Variants in RNF150 observed in about 807,000 individuals in gnomAD.
RNF150 encodes ring finger protein 150.
A neutral mutation model predicts 39.3 loss-of-function variants in RNF150; 24 were observed. The ratio of observed to expected loss-of-function variants is 0.61; its 90% CI spans 0.44 to 0.86. The LOEUF is 0.86. Ranked by LOEUF, RNF150 falls within the 40% of genes least tolerant of loss-of-function variation. The probability of loss-of-function intolerance (pLI) is 0.00; values close to 1 mark genes in which losing one functional copy is unlikely to be tolerated. For synonymous variants in RNF150, 255 were observed against 227.3 expected (o/e 1.12, Z -1.10); for missense variants, 502 against 587.8 (o/e 0.85, Z 1.51).
At chr4:141,025,478 C>T (rs560007699) in intron 1 of RNF150, among the ~76,000 whole-genome samples, 2 of 151,476 alleles carry the variant, frequency 1.3e-5, no homozygotes, top group South Asian at 4.2e-4. Context: ...TATTATAAGA[C>T]CCTTGCTTAA....
intron 1 of RNF150, among the ~76,000 whole-genome samples, chr4:141,179,042 G>T (rs963713298): frequency 2.0e-5 from 3 of 152,042 alleles, no homozygotes; most frequent in African/African-American, 7.2e-5. Context: ...TTCCTTCAGA[G>T]AAATATATGT....
chr4:141,044,723 A>G (rs1736497243), intron 1 of RNF150, among the ~76,000 whole-genome samples: 1 of 151,918 alleles, frequency 6.6e-6, no homozygotes, highest in Admixed American at 6.6e-5. Flanking sequence ...ACTAATGCCA[A>G]TCCCTACACA....
rs1184901961 is a variant in RNF150, at chr4:140,926,065, A to G, written c.899T>C (p.Phe300Ser). Reference sequence around the variant, plus strand: ...CCAGGGGTCAACACAGGACTTGTGGAAAAGATGCCTGCAATGAGAACCATA... The same window carrying G: ...CCAGGGGTCAACACAGGACTTGTGGGAAAGATGCCTGCAATGAGAACCATA... ...VVRILPCRHLFHKSCVDPWLL... is the reference protein window; with the variant it reads ...VVRILPCRHLSHKSCVDPWLL... The change falls in exon 5 of 7, where the codon TTC becomes TCC. Residue 300 changes from phenylalanine to serine, a missense_variant. Coordinates refer to ENST00000515673, the MANE Select transcript of RNF150 (RefSeq NM_020724.2). 2 of 1,611,394 alleles carry G rather than the reference A, an allele frequency of 1.2e-6. No individual in the cohort carries two copies.
chr4:141,029,429 A>G (rs993277760), intron 1 of RNF150, among the ~76,000 whole-genome samples: 1 of 152,232 alleles, frequency 6.6e-6, no homozygotes, highest in Non-Finnish European at 1.5e-5. Context: ...TTCCCTCTTC[A>G]ACTCTTGTTC....
chr4:141,209,082 A>G (rs560740601), intron 1 of RNF150, among the ~76,000 whole-genome samples: 1 of 152,230 alleles, frequency 6.6e-6, no homozygotes, highest in African/African-American at 2.4e-5. Context: ...AAGGTTGCTC[A>G]CTGCAAATAT....
intron 1 of RNF150, among the ~76,000 whole-genome samples, chr4:141,207,610 A>G (rs10012354): frequency 0.22 from 33,648 of 150,548 alleles, 3,962 homozygotes; most frequent in South Asian, 0.32. Context: ...CTTCTCCACG[A>G]CATCCAATCA....
chr4:141,133,762 A>G (rs1236561285), upstream of RNF150, among the ~76,000 whole-genome samples: 1 of 152,114 alleles, frequency 6.6e-6, no homozygotes, highest in Non-Finnish European at 1.5e-5. Flanking sequence ...TACTGCCGTG[A>G]GCTCCCTGAT....
chr4:140,868,592 C>T (rs1450786726), intron 6 of RNF150, among the ~76,000 whole-genome samples: 1 of 152,122 alleles, frequency 6.6e-6, no homozygotes, highest in Middle Eastern at 3.2e-3. Flanking sequence ...TAAAATATAT[C>T]ATCTAAGGAT....
At chr4:140,885,562 G>A (rs1343286160) in intron 6 of RNF150, among the ~76,000 whole-genome samples, 5 of 150,260 alleles carry the variant, frequency 3.3e-5, no homozygotes, top group Admixed American at 2.0e-4. Context: ...TCAGTCTCTC[G>A]AGTAGCTGGG....
chr4:141,005,187 A>G (rs1378923067), intron 1 of RNF150, among the ~76,000 whole-genome samples: 1 of 152,208 alleles, frequency 6.6e-6, no homozygotes, highest in Admixed American at 6.5e-5. Context: ...GAAGATATCC[A>G]TATTTGGAGT....
chr4:141,083,423 C>A (rs1215688927), intron 1 of RNF150, among the ~76,000 whole-genome samples: 7 of 152,162 alleles, frequency 4.6e-5, no homozygotes, highest in Non-Finnish European at 1.0e-4. Context: ...TCCTCCTCTT[C>A]CTTTTCTACT....
intron 1 of RNF150, among the ~76,000 whole-genome samples, chr4:141,106,009 A>C (rs1739183439): frequency 6.6e-6 from 1 of 152,160 alleles, no homozygotes; most frequent in African/African-American, 2.4e-5. Context: ...ACTTCACCAC[A>C]CAACCCATCT....
chr4:141,191,391 C>T (rs1378306849), intron 1 of RNF150, among the ~76,000 whole-genome samples: 1 of 152,226 alleles, frequency 6.6e-6, no homozygotes, highest in Non-Finnish European at 1.5e-5. Flanking sequence ...TATCCAATGT[C>T]AGAACCTCTG....
intron 1 of RNF150, among the ~76,000 whole-genome samples, chr4:141,085,793 T>C (rs1488577437): frequency 6.6e-6 from 1 of 152,142 alleles, no homozygotes; most frequent in Non-Finnish European, 1.5e-5. Flanking sequence ...AAAGGTGTAA[T>C]GAGAAATCAT....
chr4:141,066,915 A>G (rs1737483862), intron 1 of RNF150, among the ~76,000 whole-genome samples: 1 of 152,182 alleles, frequency 6.6e-6, no homozygotes. Context: ...TAGATGGTAC[A>G]GCCTACTACA....
At chr4:140,951,415 A>G (rs991003957) in intron 2 of RNF150, among the ~76,000 whole-genome samples, 1 of 152,142 alleles carries the variant, frequency 6.6e-6, no homozygotes, top group African/African-American at 2.4e-5. Flanking sequence ...ATGGTAATGA[A>G]AACACATGTG....
At chr4:140,916,444 A>G (rs1326724689) in intron 5 of RNF150, among the ~76,000 whole-genome samples, 3 of 152,234 alleles carry the variant, frequency 2.0e-5, no homozygotes, top group Non-Finnish European at 4.4e-5. Flanking sequence ...AAAGGGTATC[A>G]GCGATGGAAG....
At chr4:140,982,171 TTTA>T (rs1733880887) in intron 1 of RNF150, among the ~76,000 whole-genome samples, 1 of 152,180 alleles carries the variant, frequency 6.6e-6, no homozygotes, top group Non-Finnish European at 1.5e-5. Flanking sequence ...CTTCTTCCAA[TTTA>T]CTGATGGACT....
intron 1 of RNF150, among the ~76,000 whole-genome samples, chr4:141,182,874 T>G (rs1289246016): frequency 1.4e-5 from 2 of 146,652 alleles, no homozygotes; most frequent in African/African-American, 2.5e-5. Flanking sequence ...CATCGCCAAG[T>G]CAATCCTAAG....
Sources: gnomAD v4.1 joint callset for allele counts (sites outside exome capture counted in the v4.1 genomes callset) on GRCh38, gnomAD v4.1.1 for gene constraint, MANE v1.5 for transcripts, NCBI Gene and HGNC (gene_info 2026-07-23, HGNC 2026-07-21) for gene names.